The following DEPDC5 variants were observed in gnomAD, a reference collection of about 807,000 sequenced individuals.
DEPDC5 encodes DEP domain containing 5, GATOR1 subcomplex subunit.
In DEPDC5, 73 loss-of-function variants were observed where a neutral mutation model predicts 217.3. The observed-to-expected ratio is 0.34, with a 90% confidence interval of 0.28 to 0.41. DEPDC5 has a LOEUF of 0.41. DEPDC5 is among the 10% of genes least tolerant of loss of function. DEPDC5 has a pLI of 1.00. For synonymous variants in DEPDC5, 733 were observed against 756.7 expected, an observed-to-expected ratio of 0.97 and a Z score of 0.51; for missense variants, 1,675 against 2,070.1, an observed-to-expected ratio of 0.81 and a Z score of 3.70.
At chr22:31,836,682 C>T (rs935089635) in intron 25 of DEPDC5, among the ~76,000 whole-genome samples, 10 of 152,186 alleles carry the variant, frequency 6.6e-5, no homozygotes, top group African/African-American at 2.2e-4. Context: ...CTGCCGTAAT[C>T]TCACCTGCAT....
At chr22:31,879,095 C>A (rs2093100410) in intron 37 of DEPDC5, among the ~76,000 whole-genome samples, 1 of 130,500 alleles carries the variant, frequency 7.7e-6, no homozygotes. Context: ...TATATATATA[C>A]ACATATATAT....
intron 33 of DEPDC5, among the ~76,000 whole-genome samples, chr22:31,865,594 A>C (rs991148591): frequency 6.6e-6 from 1 of 152,214 alleles, no homozygotes. Flanking sequence ...CCTCTGTGAC[A>C]AAATTCATAT....
At chr22:31,800,268 A>G (rs2086731792) in intron 14 of DEPDC5, among the ~76,000 whole-genome samples, 1 of 152,162 alleles carries the variant, frequency 6.6e-6, no homozygotes, top group Admixed American at 6.6e-5. Context: ...AGGAATGCAG[A>G]CTAGCAGGTG....
intron 39 of DEPDC5, 81 bp downstream of exon 39, chr22:31,893,832 C>T: frequency 7.2e-7 from 1 of 1,390,462 alleles, no homozygotes; most frequent in Non-Finnish European, 9.4e-7. Flanking sequence ...ATTCATGTCA[C>T]TTTAATTTTT....
At chr22:31,815,357 A>T in intron 21 of DEPDC5, 145 bp downstream of exon 21, 1 of 742,162 alleles carries the variant, frequency 1.3e-6, no homozygotes, top group Non-Finnish European at 2.4e-6. Flanking sequence ...AAATCACTTT[A>T]GCTGTTAGCT....
At chr22:31,772,736 A>AT (rs905947119) in intron 7 of DEPDC5, among the ~76,000 whole-genome samples, 26 of 149,642 alleles carry the variant, frequency 1.7e-4, no homozygotes, top group East Asian at 5.9e-4. Flanking sequence ...GATCTCTCTC[A>AT]TTTTTTTTTC....
At chr22:31,781,239 A>C (rs1469205854) in intron 8 of DEPDC5, among the ~76,000 whole-genome samples, 5 of 151,630 alleles carry the variant, frequency 3.3e-5, no homozygotes, top group Admixed American at 1.3e-4. Context: ...ACAAACAAAA[A>C]AAAAAAAACA....
At chr22:31,882,353 C>T (rs553598115) in intron 38 of DEPDC5, among the ~76,000 whole-genome samples, 3 of 152,252 alleles carry the variant, frequency 2.0e-5, no homozygotes, top group South Asian at 2.1e-4. Context: ...CCACTCCCCT[C>T]GGGGTTACTT....
intron 38 of DEPDC5, chr22:31,890,982 T>G (rs939036123): frequency 5.4e-6 from 1 of 185,028 alleles, no homozygotes; most frequent in Non-Finnish European, 1.1e-5. Flanking sequence ...CCTCCCAAAG[T>G]GCTGGGATTA....
intron 37 of DEPDC5, among the ~76,000 whole-genome samples, chr22:31,876,575 C>T (rs2092997225): frequency 6.6e-6 from 1 of 152,086 alleles, no homozygotes; most frequent in Non-Finnish European, 1.5e-5. Context: ...GAGTGCCCCA[C>T]CCCCTTGCCC....
chr22:31,760,195 G>C (rs1350395859), intron 3 of DEPDC5, among the ~76,000 whole-genome samples: 3 of 151,846 alleles, frequency 2.0e-5, no homozygotes, highest in Non-Finnish European at 2.9e-5. Flanking sequence ...AGCCTCCCAA[G>C]TAGCTGGGAC....
intron 14 of DEPDC5, among the ~76,000 whole-genome samples, chr22:31,800,145 T>C (rs1433316988): frequency 1.3e-5 from 2 of 152,116 alleles, no homozygotes; most frequent in Admixed American, 6.6e-5. Context: ...TTTTAAGATA[T>C]TGGGACATCA....
chr22:31,781,050 C>G (rs1435575915), intron 8 of DEPDC5, among the ~76,000 whole-genome samples: 1 of 152,060 alleles, frequency 6.6e-6, no homozygotes, highest in Non-Finnish European at 1.5e-5. Flanking sequence ...AACCCCGTCT[C>G]TACTAAACAT....
intron 33 of DEPDC5, among the ~76,000 whole-genome samples, chr22:31,863,931 CA>C (rs1002101846): frequency 6.8e-6 from 1 of 146,168 alleles, no homozygotes; most frequent in Non-Finnish European, 1.5e-5. Flanking sequence ...TGAAAAAAAA[CA>C]AAAAAAAATT....
Position 31,809,659 on chromosome 22 carries a change from T to C in DEPDC5, c.1324+12T>C, listed in dbSNP as rs749595306. On this transcript the variant is annotated intron_variant, in intron 19 of 42. Coordinates refer to ENST00000651528, the MANE Select transcript of DEPDC5 (RefSeq NM_001242896.3). ...TGGCCGTGATACATGTGAGTATTTT[T>C]TGAGATTTTTTTTCTTGCTTTTAAA... 1.9e-6 allele frequency: 3 copies of C among 1,613,868 alleles called. No homozygotes were observed. The highest frequency in any genetic ancestry group is 2.5e-6 in the Non-Finnish European group (3 of 1,179,842).
intron 38 of DEPDC5, among the ~76,000 whole-genome samples, chr22:31,884,495 G>A (rs2093258347): frequency 6.6e-6 from 1 of 152,212 alleles, no homozygotes; most frequent in Non-Finnish European, 1.5e-5. Context: ...AACAGCATTT[G>A]TCAAATGATC....
rs1193446132 is a variant in DEPDC5, at chr22:31,877,460, A to AC, written c.3805+1195_3805+1196insC. Among the ~76,000 whole-genome samples, 4 of 146,874 alleles carry AC rather than the reference A, an allele frequency of 2.7e-5. No individual in the cohort carries two copies. In the East Asian group the frequency reaches 7.9e-4, roughly 29 times the overall value. On this transcript the variant is annotated intron_variant, in intron 37 of 42. Transcript: ENST00000651528. Reference sequence around the variant, plus strand: ...TCAAAAAAAAAAAAAAAAAAAAAAAAAAAAAAACAGGCCGGGCACAGTGGC... The same window carrying AC: ...TCAAAAAAAAAAAAAAAAAAAAAAAACAAAAAAACAGGCCGGGCACAGTGGC...
In DEPDC5 at chr22:31,815,146, A is replaced by C; in HGVS notation, c.1600A>C (p.Met534Leu). The change falls in exon 21 of 43, where the codon ATG becomes CTG. Residue 534 changes from methionine to leucine, a missense_variant. This residue lies in a region of DEPDC5 where 628 missense variants were observed against 762.1 expected (regional missense o/e 0.82). Coordinates refer to ENST00000651528, the MANE Select transcript of DEPDC5 (RefSeq NM_001242896.3). ...SSLGKSANIL[M>L]IPHPHLHQYE... ...CCTAGGCAAGAGTGCCAACATCCTG[A>C]TGATCCCACACCCCCACCTGCACCA... The C allele has an allele frequency of 6.2e-7, 1 of 1,614,178 alleles. No individual in the cohort carries two copies. Among genetic ancestry groups the C allele is most frequent in the Non-Finnish European group, 8.5e-7 (1 of 1,180,030 alleles).
At chr22:31,891,063 A>T (rs1299771199) in intron 38 of DEPDC5, 1 of 260,344 alleles carries the variant, frequency 3.8e-6, no homozygotes, top group African/African-American at 2.3e-5. Context: ...TTTATGGCAG[A>T]TATTACTTTC....
Sources: allele counts gnomAD v4.1 joint callset (sites outside exome capture counted in the v4.1 genomes callset), GRCh38; gene constraint gnomAD v4.1.1; regional missense constraint gnomAD v4.1.1; transcripts MANE v1.5; gene names NCBI Gene and HGNC (gene_info 2026-07-23, HGNC 2026-07-21).